Variants in AXIN1 observed in about 807,000 individuals in gnomAD.
AXIN1 encodes axin-1.
Under a neutral mutation model 76.4 loss-of-function variants are expected in AXIN1, and 30 were observed. That is an observed-to-expected ratio of 0.39 (90% confidence interval 0.29 to 0.53). The LOEUF (loss-of-function observed/expected upper bound fraction) is 0.53. Among genes scored for constraint, AXIN1 ranks in the 20% least tolerant of loss-of-function variants. The pLI is 0.66. For missense variants in AXIN1, 1,140 were observed against 1,198.8 expected (o/e 0.95, Z 0.72); for synonymous variants, 545 against 501.4 (o/e 1.09, Z -1.16).
In AXIN1 at chr16:302,587, G is replaced by A. The variant is rs2052902449; in HGVS notation, c.1254+1717C>T. On this transcript the variant is annotated intron_variant, in intron 5 of 10. Coordinates refer to ENST00000262320, the MANE Select transcript of AXIN1 (RefSeq NM_003502.4). Reference sequence around the variant, plus strand: ...GTGCCCGGCGCACGGTTTCCCAGATGGGCACCACCAGCGGCACCCTGCGTC... The same window carrying A: ...GTGCCCGGCGCACGGTTTCCCAGATAGGCACCACCAGCGGCACCCTGCGTC... 3.3e-5 allele frequency among the ~76,000 whole-genome samples: 5 copies of A among 152,134 alleles called. No individual in the cohort carries two copies. The South Asian group carries it at 1.0e-3, about 32-fold the overall frequency.
intron 2 of AXIN1, among the ~76,000 whole-genome samples, chr16:342,634 C>T (rs937379963): frequency 1.3e-5 from 2 of 152,240 alleles, no homozygotes; most frequent in African/African-American, 2.4e-5. Flanking sequence ...CAGCCCCCAG[C>T]GCACGCACCG....
At chr16:297,625 G>C in intron 6 of AXIN1, 97 bp downstream of exon 6, 1 of 1,433,550 alleles carries the variant, frequency 7.0e-7, no homozygotes. Context: ...TGTTGCTGGC[G>C]GTCCTGGGTT....
rs534880955 is a variant in AXIN1, at chr16:351,155, C to T, written c.-82+1214G>A. Among the ~76,000 whole-genome samples the T allele has an allele frequency of 3.9e-4, 57 of 147,216 alleles. 1 individual carries two copies. In the South Asian group the frequency reaches 0.011, roughly 29 times the overall value. On this transcript the variant is annotated intron_variant, in intron 1 of 10. Transcript: ENST00000262320. Reference sequence around the variant, plus strand: ...CTCAAAAAAAAAAAAAAACTGAAACCGAGCTATTGCTGAGTATCTCGGGTA... The same window carrying T: ...CTCAAAAAAAAAAAAAAACTGAAACTGAGCTATTGCTGAGTATCTCGGGTA...
At position 346,438 on chromosome 16, in the gene AXIN1, G is replaced by A. The variant is rs2141703170; in HGVS notation, c.588C>T (p.Asn196=). 4 of 1,614,210 alleles carry A rather than the reference G, an allele frequency of 2.5e-6. No individual in the cohort carries two copies. Among genetic ancestry groups the A allele is most frequent in the Non-Finnish European group, 3.4e-6 (4 of 1,180,044 alleles). Residue 196 remains asparagine (N), a synonymous_variant, in exon 2 of 11, where the codon AAC becomes AAT. Coordinates refer to ENST00000262320, the MANE Select transcript of AXIN1 (RefSeq NM_003502.4). ...QTEIQATMEE[N]TYPSFLKSDI... is the part of the protein sequence containing the mutation. ...CAGACTTAAGGAAGGAGGGATAGGT[G>A]TTTTCCTCCATAGTGGCCTGGATTT...
At chr16:331,640 C>G (rs1402488297) in intron 2 of AXIN1, among the ~76,000 whole-genome samples, 1 of 152,230 alleles carries the variant, frequency 6.6e-6, no homozygotes, top group African/African-American at 2.4e-5. Context: ...GGACGCATAA[C>G]AAAGCCAAAA....
chr16:314,647 A>G lies in AXIN1; in HGVS notation c.915T>C (p.Tyr305=), dbSNP rs2141593868. ...GSWREPVNPY[Y]VNAGYALAPA... ...GGGCCAGGGCATAGCCGGCATTGAC[A>G]TAATAGGGGTTGACTGGCTCCCGCC... is the stretch of plus-strand genomic sequence containing the variant. The change falls in exon 3 of 11, where the codon TAT becomes TAC. Residue 305 remains tyrosine, a synonymous_variant. Transcript: ENST00000262320. 2 of 1,614,042 alleles carry G rather than the reference A, an allele frequency of 1.2e-6. No homozygotes were observed. The highest frequency in any genetic ancestry group is 1.7e-6 in the Non-Finnish European group (2 of 1,180,032).
rs1410660805 is a variant in AXIN1 at position 287,604 on chromosome 16, T to TG, written c.*517dup. 10 of 318,972 alleles carry TG rather than the reference T, an allele frequency of 3.1e-5. No homozygotes were observed. Among genetic ancestry groups the TG allele is most frequent in the African/African-American group, 2.1e-4 (10 of 48,066 alleles). 19.8% of individuals were successfully genotyped at this position (318,972 alleles called of 1,614,324 possible). Reference sequence around the variant, plus strand: ...GCCCTCAGAAAGGAGGACCCAGGACTGCACAGCCGGCGGCTGGAGGCAGGT... The same window carrying TG: ...GCCCTCAGAAAGGAGGACCCAGGACTGGCACAGCCGGCGGCTGGAGGCAGGT... On this transcript the variant is annotated 3_prime_UTR_variant, in exon 11 of 11. Coordinates refer to ENST00000262320, the MANE Select transcript of AXIN1 (RefSeq NM_003502.4).
At chr16:310,682 C>A (rs1597035981) in intron 3 of AXIN1, among the ~76,000 whole-genome samples, 1 of 152,246 alleles carries the variant, frequency 6.6e-6, no homozygotes, top group Non-Finnish European at 1.5e-5. Flanking sequence ...ATTACAGGCG[C>A]AAGCCACGGC....
chr16:289,054 G>C (rs961956699), intron 10 of AXIN1, among the ~76,000 whole-genome samples: 1 of 152,070 alleles, frequency 6.6e-6, no homozygotes, highest in South Asian at 2.1e-4. Flanking sequence ...AGGGACATGA[G>C]CTGAAATGGC....
chr16:321,642 G>GAAGGC, intron 2 of AXIN1, among the ~76,000 whole-genome samples: 1 of 151,892 alleles, frequency 6.6e-6, no homozygotes, highest in Admixed American at 6.6e-5. Context: ...ATATGAGGTA[G>GAAGGC]GTGGATTCCA....
At chr16:323,086 G>A (rs1193043338) in intron 2 of AXIN1, among the ~76,000 whole-genome samples, 1 of 152,088 alleles carries the variant, frequency 6.6e-6, no homozygotes, top group South Asian at 2.1e-4. Context: ...CCAGGAGTTC[G>A]AGACCAGCCT....
chr16:318,612 T>TC (rs773186510), intron 2 of AXIN1, among the ~76,000 whole-genome samples: 37 of 152,120 alleles, frequency 2.4e-4, no homozygotes, highest in Non-Finnish European at 2.2e-4. Context: ...AGTTCCAGGA[T>TC]CCCCCCATAT....
chr16:300,341 A>C (rs909395996), intron 5 of AXIN1, among the ~76,000 whole-genome samples: 4 of 151,666 alleles, frequency 2.6e-5, no homozygotes, highest in African/African-American at 9.7e-5. Context: ...GGTGCATGCC[A>C]CCATGTCCCA....
At position 324,353 on chromosome 16, in the gene AXIN1, C is replaced by T. The variant is rs538889101; in HGVS notation, c.879-9670G>A. 2.5e-4 allele frequency among the ~76,000 whole-genome samples: 38 copies of T among 152,286 alleles called. 1 individual carries two copies. The South Asian group carries it at 7.3e-3, about 29-fold the overall frequency. ...TGGGAGGAGGCTGGGGGCCGGAATG[C>T]GGGTGCATAGAAACGGCTGGAAGCA... On this transcript the variant is annotated intron_variant, in intron 2 of 10. Coordinates refer to ENST00000262320, the MANE Select transcript of AXIN1 (RefSeq NM_003502.4).
At chr16:334,161 A>G (rs1410092033) in intron 2 of AXIN1, among the ~76,000 whole-genome samples, 1 of 150,338 alleles carries the variant, frequency 6.7e-6, no homozygotes, top group Non-Finnish European at 1.5e-5. Flanking sequence ...CACAGCACCC[A>G]GTACCATGGC....
chr16:294,601 A>G (rs904763310), intron 7 of AXIN1, among the ~76,000 whole-genome samples: 10 of 151,616 alleles, frequency 6.6e-5, no homozygotes, highest in African/African-American at 2.2e-4. Flanking sequence ...CAAAAATACA[A>G]AAAGTTAACT....
chr16:291,071 C>A (rs1373101682), intron 9 of AXIN1, 119 bp downstream of exon 9: 1 of 934,604 alleles, frequency 1.1e-6, no homozygotes, highest in Admixed American at 2.0e-5. Context: ...CCTGCCACAG[C>A]TGCTTCTGAG....
intron 2 of AXIN1, among the ~76,000 whole-genome samples, chr16:319,664 T>C (rs547236611): frequency 1.3e-5 from 2 of 152,330 alleles, no homozygotes; most frequent in South Asian, 4.1e-4. Flanking sequence ...AAGGCACCTC[T>C]CTGGGACTCC....
intron 2 of AXIN1, among the ~76,000 whole-genome samples, chr16:341,996 G>C (rs1191226219): frequency 2.0e-5 from 3 of 152,220 alleles, no homozygotes. Flanking sequence ...TGTCAAAACA[G>C]ACCACTGGAC....
Sources: allele counts gnomAD v4.1 joint callset (sites outside exome capture counted in the v4.1 genomes callset), GRCh38; gene constraint gnomAD v4.1.1; transcripts MANE v1.5; gene names NCBI Gene and HGNC (gene_info 2026-07-23, HGNC 2026-07-21).